Variants in TMOD3 observed in about 807,000 individuals in gnomAD.
The protein encoded by TMOD3 is tropomodulin 3, also known as tropomodulin-3.
TMOD3 carries 20 observed loss-of-function variants against 39.2 expected under a neutral mutation model. The ratio of observed to expected loss-of-function variants is 0.51; its 90% CI spans 0.36 to 0.74. TMOD3 has a LOEUF of 0.74. Ranked by LOEUF, TMOD3 falls within the 30% of genes least tolerant of loss-of-function variation. TMOD3 has a pLI of 0.00. For synonymous variants in TMOD3, 143 were observed against 145.8 expected (o/e 0.98, Z 0.14); for missense variants, 381 against 412.8 (o/e 0.92, Z 0.67).
chr15:51,832,882 T>A (rs2056263470), intron 1 of TMOD3, among the ~76,000 whole-genome samples: 1 of 152,232 alleles, frequency 6.6e-6, no homozygotes, highest in Non-Finnish European at 1.5e-5. Flanking sequence ...GGCAAACTAC[T>A]CTTCACACTT....
chr15:51,842,710 A>G (rs2056318132), intron 1 of TMOD3, among the ~76,000 whole-genome samples: 1 of 152,158 alleles, frequency 6.6e-6, no homozygotes, highest in Non-Finnish European at 1.5e-5. Context: ...ATCCCACCTC[A>G]TGAGAATTAT....
rs941218606 is a variant in TMOD3 at position 51,908,930 on chromosome 15, T to C, written c.*120T>C. On this transcript the variant is annotated 3_prime_UTR_variant, in exon 10 of 10. Transcript: ENST00000308580. ...GACTGGAAAAATTTTTTTAGTGACATGCATTTTTTTTTTAGTTGTTATCAA... is the reference window on the plus strand; with the variant it reads ...GACTGGAAAAATTTTTTTAGTGACACGCATTTTTTTTTTAGTTGTTATCAA... 2 of 603,668 alleles carry C rather than the reference T, an allele frequency of 3.3e-6. No homozygotes were observed. Among genetic ancestry groups the C allele is most frequent in the Admixed American group, 3.8e-5 (1 of 26,480 alleles). 37.4% of individuals were successfully genotyped at this position (603,668 alleles called of 1,614,324 possible).
At chr15:51,888,679 T>C (rs1355534620) in intron 4 of TMOD3, among the ~76,000 whole-genome samples, 3 of 152,232 alleles carry the variant, frequency 2.0e-5, no homozygotes, top group Admixed American at 6.5e-5. Context: ...AAGGTTAAGT[T>C]AAAAATCTGC....
intron 1 of TMOD3, chr15:51,860,456 T>G: frequency 1.8e-6 from 1 of 566,042 alleles, no homozygotes; most frequent in Non-Finnish European, 3.5e-6. Context: ...CTTGATAAAG[T>G]TTTGGGCCCT....
intron 3 of TMOD3, chr15:51,875,043 A>T (rs917110538): frequency 5.9e-5 from 9 of 152,158 alleles, no homozygotes; most frequent in African/African-American, 2.2e-4. Context: ...AATTTAACCC[A>T]GTTGCCTTAA....
chr15:51,838,476 G>A (rs572873564), intron 1 of TMOD3, among the ~76,000 whole-genome samples: 3 of 152,170 alleles, frequency 2.0e-5, no homozygotes, highest in Non-Finnish European at 4.4e-5. Flanking sequence ...CATTACTATT[G>A]TAAGGCTGCT....
In TMOD3 at chr15:51,915,303, AT is replaced by A. The variant is rs1373025594; in HGVS notation, c.*6494del. On this transcript the variant is annotated 3_prime_UTR_variant, in exon 10 of 10. Transcript: ENST00000308580. ...TCAGTGGTTTCAAATTTTCAGATCAATCCATTTAAGAATTGTTTTTTCAAAT... is the reference window on the plus strand; with the variant it reads ...TCAGTGGTTTCAAATTTTCAGATCAACCATTTAAGAATTGTTTTTTCAAAT... 2.6e-5 allele frequency: 4 copies of A among 152,190 alleles called. No individual in the cohort carries two copies. The highest frequency in any genetic ancestry group is 9.6e-5 in the African/African-American group (4 of 41,456). The allele number at this position is 152,190 out of a possible 1,614,324, so 9.4% of individuals were successfully genotyped here. A position where few individuals can be genotyped will look rare whatever the true frequency, so the allele number is the denominator to read the frequency against.
At chr15:51,853,606 C>T (rs1251868552) in intron 1 of TMOD3, among the ~76,000 whole-genome samples, 12 of 151,798 alleles carry the variant, frequency 7.9e-5, no homozygotes, top group South Asian at 2.1e-4. Flanking sequence ...TTGAAGTTAC[C>T]GATGTACATA....
chr15:51,886,017 C>T (rs1390631122), intron 3 of TMOD3, among the ~76,000 whole-genome samples: 1 of 151,892 alleles, frequency 6.6e-6, no homozygotes, highest in Non-Finnish European at 1.5e-5. Context: ...ACGCTCCTCA[C>T]TTCCCAGACG....
At position 51,894,178 on chromosome 15, in the gene TMOD3, C is replaced by G. The variant is rs146582887; in HGVS notation, c.627+233C>G. Among the ~76,000 whole-genome samples the G allele has an allele frequency of 1.6e-3, 244 of 152,306 alleles. 11 individuals carry two copies. The highest frequency in any genetic ancestry group is 9.8e-3 in the East Asian group (51 of 5,190). The stretch of plus-strand genomic sequence containing the variant: ...CATCTAAAAATGTAAACCCTACAAA[C>G]TGTCAGAATAAATCTCAGGTTTTCT... On this transcript the variant is annotated intron_variant, in intron 6 of 9. Transcript: ENST00000308580.
chr15:51,842,838 T>C (rs1288809546), intron 1 of TMOD3, among the ~76,000 whole-genome samples: 2 of 152,188 alleles, frequency 1.3e-5, no homozygotes, highest in Non-Finnish European at 2.9e-5. Context: ...GAAAAACCTA[T>C]TGTAACTACT....
At chr15:51,845,834 A>G (rs2056332892) in intron 1 of TMOD3, among the ~76,000 whole-genome samples, 1 of 151,812 alleles carries the variant, frequency 6.6e-6, no homozygotes, top group African/African-American at 2.4e-5. Context: ...TATTAATTAC[A>G]TAGGTTTGTC....
intron 7 of TMOD3, chr15:51,898,905 A>G (rs1291961299): frequency 6.7e-6 from 1 of 150,280 alleles, no homozygotes; most frequent in Non-Finnish European, 1.5e-5. Flanking sequence ...TTTCACTTGT[A>G]GGCTTCTGTT....
rs952429838 is a variant in TMOD3, at chr15:51,894,053, G to C, written c.627+108G>C. 2.5e-5 allele frequency: 26 copies of C among 1,050,446 alleles called. No individual in the cohort carries two copies. In the African/African-American group the frequency reaches 4.0e-4, roughly 16 times the overall value. The allele number at this position is 1,050,446 out of a possible 1,614,324, so 65.1% of individuals were successfully genotyped here. Reference sequence around the variant, plus strand: ...CTAATTCTTTCTACTTTAACGTAAAGTTTTTGCTCTTACCAGTATGCTAAC... The same window carrying C: ...CTAATTCTTTCTACTTTAACGTAAACTTTTTGCTCTTACCAGTATGCTAAC... On this transcript the variant is annotated intron_variant, in intron 6 of 9. Coordinates refer to ENST00000308580, the MANE Select transcript of TMOD3 (RefSeq NM_014547.5).
chr15:51,887,510 C>A, intron 3 of TMOD3, 79 bp from the exon 4 acceptor site: 1 of 1,440,792 alleles, frequency 6.9e-7, no homozygotes, highest in Non-Finnish European at 9.4e-7. Context: ...TTCAGTTGTA[C>A]ATGCTTTGGT....
intron 1 of TMOD3, among the ~76,000 whole-genome samples, chr15:51,862,038 C>T (rs978056593): frequency 1.4e-4 from 22 of 152,102 alleles, no homozygotes; most frequent in African/African-American, 4.6e-4. Flanking sequence ...ACAGTCCTGC[C>T]GAATCAGCAG....
In TMOD3 at chr15:51,887,727, A is replaced by T. The variant is rs1369016156; in HGVS notation, c.406+16A>T. 1.2e-6 allele frequency: 2 copies of T among 1,613,162 alleles called. No individual in the cohort carries two copies. The highest frequency in any genetic ancestry group is 1.7e-4 in the Middle Eastern group (1 of 6,054). ...GACCTCGCAGGTATCACCTAAAACA[A>T]GTTAATTTGTGAATAAGTGTGGGGT... On this transcript the variant is annotated intron_variant, in intron 4 of 9. Coordinates refer to ENST00000308580, the MANE Select transcript of TMOD3 (RefSeq NM_014547.5).
chr15:51,841,725 G>T (rs1241023498), intron 1 of TMOD3, among the ~76,000 whole-genome samples: 1 of 152,080 alleles, frequency 6.6e-6, no homozygotes, highest in Non-Finnish European at 1.5e-5. Context: ...ATTGCCACTA[G>T]CTGTATGGTT....
intron 1 of TMOD3, among the ~76,000 whole-genome samples, chr15:51,858,804 CATTT>C (rs1234950200): frequency 6.6e-6 from 1 of 152,050 alleles, no homozygotes; most frequent in African/African-American, 2.4e-5. Flanking sequence ...TTCTGGAAAA[CATTT>C]AGGACTTATG....
Sources: allele counts gnomAD v4.1 joint callset (sites outside exome capture counted in the v4.1 genomes callset), GRCh38; gene constraint gnomAD v4.1.1; transcripts MANE v1.5; gene names NCBI Gene and HGNC (gene_info 2026-07-23, HGNC 2026-07-21).